Variants in MYT1L observed in about 807,000 individuals in gnomAD.
MYT1L encodes myelin transcription factor 1-like protein.
Under a neutral mutation model 126.7 loss-of-function variants are expected in MYT1L, and 12 were observed. The observed-to-expected ratio is 0.09, with a 90% CI of 0.06 to 0.15. The LOEUF (loss-of-function observed/expected upper bound fraction) is 0.15. Among genes scored for constraint, MYT1L ranks in the 10% least tolerant of loss-of-function variants. The probability of loss-of-function intolerance (pLI) is 1.00; values close to 1 mark genes in which losing one functional copy is unlikely to be tolerated. For synonymous variants in MYT1L, 541 were observed against 604.2 expected (o/e 0.90, Z 1.53); for missense variants, 979 against 1,585.2 (o/e 0.62, Z 6.49).
intron 3 of MYT1L, among the ~76,000 whole-genome samples, chr2:2,078,335 A>G (rs2075438951): frequency 6.6e-6 from 1 of 152,214 alleles, no homozygotes; most frequent in Non-Finnish European, 1.5e-5. Context: ...TAAAATTACC[A>G]TATCAATAAT....
chr2:2,010,808 T>C (rs2063750208), intron 4 of MYT1L, among the ~76,000 whole-genome samples: 1 of 152,126 alleles, frequency 6.6e-6, no homozygotes, highest in African/African-American at 2.4e-5. Flanking sequence ...TGGTGCCACA[T>C]ATGGACAGAC....
At chr2:2,160,541 T>C (rs947898725) in intron 3 of MYT1L, among the ~76,000 whole-genome samples, 3 of 152,170 alleles carry the variant, frequency 2.0e-5, no homozygotes, top group Admixed American at 6.6e-5. Flanking sequence ...GGAGACTTCC[T>C]AATAGTTTGG....
At chr2:2,127,833 C>T (rs1466833177) in intron 3 of MYT1L, among the ~76,000 whole-genome samples, 1 of 152,010 alleles carries the variant, frequency 6.6e-6, no homozygotes, top group East Asian at 1.9e-4. Flanking sequence ...ACCTCCTTGC[C>T]GAATAATGTA....
intron 4 of MYT1L, among the ~76,000 whole-genome samples, chr2:2,034,231 A>C (rs2066753693): frequency 1.3e-5 from 2 of 152,326 alleles, no homozygotes; most frequent in African/African-American, 4.8e-5. Context: ...CCGACTCGGC[A>C]TCTCTATGAA....
chr2:2,177,362 T>C (rs1280476992), intron 2 of MYT1L, among the ~76,000 whole-genome samples: 3 of 152,332 alleles, frequency 2.0e-5, no homozygotes, highest in African/African-American at 4.8e-5. Context: ...AGATTATTTG[T>C]GGTAAATAGG....
rs1270922562 is a variant in MYT1L, at chr2:2,134,679, CCAGA to C, written c.-304+38189_-304+38192del. ...CTGCAAGCCAGGAAATGGGCGCTTA[CCAGA>C]CAGACAACAGATTTGCCAGCACTTT... On this transcript the variant is annotated intron_variant, in intron 3 of 24. Transcript: ENST00000647738. Among the ~76,000 whole-genome samples, 10 of 152,162 alleles carry C rather than the reference CCAGA, an allele frequency of 6.6e-5. 1 individual carries two copies. Among genetic ancestry groups the C allele is most frequent in the Non-Finnish European group, 1.5e-5 (1 of 68,030 alleles).
chr2:2,190,352 G>A (rs1441217248), intron 2 of MYT1L, among the ~76,000 whole-genome samples: 1 of 152,006 alleles, frequency 6.6e-6, no homozygotes, highest in African/African-American at 2.4e-5. Flanking sequence ...CTACTCGGGA[G>A]GCTGAGGCAG....
chr2:2,113,648 C>T (rs565074037), intron 3 of MYT1L, among the ~76,000 whole-genome samples: 60 of 152,350 alleles, frequency 3.9e-4, no homozygotes, highest in Non-Finnish European at 6.9e-4. Context: ...GTTTTAACTG[C>T]CAGCTGCTGC....
intron 1 of MYT1L, among the ~76,000 whole-genome samples, chr2:2,314,289 A>G (rs906742333): frequency 1.3e-5 from 2 of 152,226 alleles, no homozygotes; most frequent in Non-Finnish European, 2.9e-5. Flanking sequence ...GTCACTGTGA[A>G]TCATATACAA....
At chr2:2,232,257 T>C (rs904226830) in intron 2 of MYT1L, among the ~76,000 whole-genome samples, 31 of 152,148 alleles carry the variant, frequency 2.0e-4, no homozygotes, top group African/African-American at 6.7e-4. Flanking sequence ...AAAGGAGAGG[T>C]GGGGTTTGAT....
At chr2:2,041,691 T>G (rs533072076) in intron 4 of MYT1L, among the ~76,000 whole-genome samples, 1 of 152,270 alleles carries the variant, frequency 6.6e-6, no homozygotes, top group African/African-American at 2.4e-5. Context: ...CAAATTTCTC[T>G]GGTTTCATTA....
intron 18 of MYT1L, among the ~76,000 whole-genome samples, chr2:1,872,228 C>G (rs1441201214): frequency 3.3e-5 from 5 of 152,282 alleles, no homozygotes; most frequent in Admixed American, 2.6e-4. Context: ...GTTCCGACCC[C>G]CAGTCATCCA....
intron 3 of MYT1L, among the ~76,000 whole-genome samples, chr2:2,110,552 G>T (rs1559040790): frequency 6.7e-6 from 1 of 148,916 alleles, no homozygotes; most frequent in Admixed American, 6.7e-5. Context: ...CTCTGTCCCT[G>T]TCCCTCCCTC....
chr2:1,977,165 C>T (rs1052220588), intron 8 of MYT1L, among the ~76,000 whole-genome samples: 99 of 152,266 alleles, frequency 6.5e-4, no homozygotes, highest in African/African-American at 2.3e-3. Context: ...GCTCTTGGCC[C>T]GAGAGCTTCC....
intron 8 of MYT1L, among the ~76,000 whole-genome samples, chr2:1,965,711 G>A (rs907509531): frequency 6.6e-6 from 1 of 152,206 alleles, no homozygotes. Flanking sequence ...CCATCATCCT[G>A]ACCTTAAACC....
intron 21 of MYT1L, among the ~76,000 whole-genome samples, chr2:1,838,289 AT>A (rs1041235611): frequency 4.6e-5 from 7 of 152,140 alleles, no homozygotes; most frequent in African/African-American, 1.7e-4. Context: ...ATTAAAAAAA[AT>A]CTTCCTTAAC....
chr2:2,134,675 C>T (rs2148064847), intron 3 of MYT1L, among the ~76,000 whole-genome samples: 1 of 152,286 alleles, frequency 6.6e-6, no homozygotes. Context: ...GAAATGGGCG[C>T]TTACCAGACA....
At position 2,145,642 on chromosome 2, in the gene MYT1L, GAC is replaced by G. The variant is rs139332300; in HGVS notation, c.-304+27228_-304+27229del. Among the ~76,000 whole-genome samples the G allele has an allele frequency of 3.1e-3, 453 of 146,206 alleles. 1 individual carries two copies. The highest frequency in any genetic ancestry group is 6.9e-3 in the East Asian group (34 of 4,956). On this transcript the variant is annotated intron_variant, in intron 3 of 24. Coordinates refer to ENST00000647738, the MANE Select transcript of MYT1L (RefSeq NM_001303052.2). ...CTGGAAAAAAAATACACACACACAA[GAC>G]ACACACACACACACACACACACAAA...
intron 4 of MYT1L, among the ~76,000 whole-genome samples, chr2:1,998,756 C>G (rs2062095032): frequency 6.6e-6 from 1 of 152,120 alleles, no homozygotes. Flanking sequence ...GATAACTCCC[C>G]TAAACATTAC....
Sources: gnomAD v4.1 joint callset for allele counts (sites outside exome capture counted in the v4.1 genomes callset) on GRCh38, gnomAD v4.1.1 for gene constraint, MANE v1.5 for transcripts, NCBI Gene and HGNC (gene_info 2026-07-23, HGNC 2026-07-21) for gene names.